The following CAMKMT variants were observed in gnomAD, a reference collection of about 807,000 sequenced individuals.
CAMKMT encodes CaM KMT.
CAMKMT carries 53 observed loss-of-function variants against 48.0 expected under a neutral mutation model. The ratio of observed to expected loss-of-function variants is 1.10; its 90% confidence interval spans 0.89 to 1.39. The LOEUF (loss-of-function observed/expected upper bound fraction) is 1.39. Ranked by LOEUF, CAMKMT falls within the 40% of genes most tolerant of loss-of-function variation. CAMKMT has a pLI of 0.00. For synonymous variants in CAMKMT, 165 were observed against 152.3 expected, an observed-to-expected ratio of 1.08 and a Z score of -0.61; for missense variants, 428 against 402.7, an observed-to-expected ratio of 1.06 and a Z score of -0.54.
At chr2:44,634,040 C>T (rs994945706) in intron 3 of CAMKMT, among the ~76,000 whole-genome samples, 1 of 151,936 alleles carries the variant, frequency 6.6e-6, no homozygotes, top group Non-Finnish European at 1.5e-5. Context: ...TCACTGAATG[C>T]CTCTGTTATT....
intron 3 of CAMKMT, among the ~76,000 whole-genome samples, chr2:44,702,542 A>C (rs889697986): frequency 6.6e-6 from 1 of 152,342 alleles, no homozygotes. Context: ...GAGGAGCATG[A>C]GGGATAGGCA....
At chr2:44,530,741 G>A (rs1182527089) in intron 3 of CAMKMT, among the ~76,000 whole-genome samples, 2 of 152,006 alleles carry the variant, frequency 1.3e-5, no homozygotes, top group Non-Finnish European at 2.9e-5. Context: ...ATTAGGGGGA[G>A]GAAAAGGGAG....
chr2:44,536,710 A>T (rs907538955), intron 3 of CAMKMT, among the ~76,000 whole-genome samples: 2 of 152,170 alleles, frequency 1.3e-5, no homozygotes, highest in African/African-American at 4.8e-5. Context: ...AGGCAAACCA[A>T]TCCTGAGCAA....
chr2:44,418,313 T>G (rs553399948), intron 3 of CAMKMT, among the ~76,000 whole-genome samples: 39 of 150,342 alleles, frequency 2.6e-4, no homozygotes, highest in Middle Eastern at 3.4e-3. Context: ...ATCTATGAAT[T>G]TTTTTTTTTA....
intron 3 of CAMKMT, among the ~76,000 whole-genome samples, chr2:44,415,338 G>C (rs1683482566): frequency 6.6e-6 from 1 of 152,146 alleles, no homozygotes. Context: ...ATAGGTCCAG[G>C]TTTAGTTCAC....
chr2:44,395,088 G>T (rs1379353272), intron 3 of CAMKMT: 3 of 398,264 alleles, frequency 7.5e-6, no homozygotes, highest in African/African-American at 2.1e-5. Context: ...GAAACCAAAG[G>T]TAATAGTTTC....
chr2:44,756,542 C>A (rs977681092), intron 9 of CAMKMT, among the ~76,000 whole-genome samples: 2 of 151,868 alleles, frequency 1.3e-5, no homozygotes, highest in African/African-American at 2.4e-5. Flanking sequence ...GAGATCGAGA[C>A]CATCCTGGCT....
At chr2:44,604,753 G>C (rs549287841) in intron 3 of CAMKMT, among the ~76,000 whole-genome samples, 12 of 151,988 alleles carry the variant, frequency 7.9e-5, no homozygotes, top group Admixed American at 1.3e-4. Context: ...GTTGCTGAGG[G>C]TGCTTATACT....
At chr2:44,557,365 A>C (rs1172828618) in intron 3 of CAMKMT, among the ~76,000 whole-genome samples, 1 of 152,210 alleles carries the variant, frequency 6.6e-6, no homozygotes, top group Non-Finnish European at 1.5e-5. Flanking sequence ...TGAAACAAAT[A>C]GGAAGCAAAA....
intron 7 of CAMKMT, among the ~76,000 whole-genome samples, chr2:44,736,958 A>T (rs1250700690): frequency 6.6e-6 from 1 of 152,126 alleles, no homozygotes; most frequent in Non-Finnish European, 1.5e-5. Flanking sequence ...CATCTCTGTC[A>T]GTTTTCGATT....
chr2:44,563,309 A>G (rs1447160053), intron 3 of CAMKMT, among the ~76,000 whole-genome samples: 1 of 151,662 alleles, frequency 6.6e-6, no homozygotes, highest in Non-Finnish European at 1.5e-5. Context: ...TTTTACTTCA[A>G]AATGTACTAT....
chr2:44,556,108 A>C (rs960887903), intron 3 of CAMKMT, among the ~76,000 whole-genome samples: 18 of 152,028 alleles, frequency 1.2e-4, no homozygotes, highest in South Asian at 8.3e-4. Context: ...GCTATTTAAA[A>C]ATACCTACAA....
At chr2:44,596,147 A>G (rs536976782) in intron 3 of CAMKMT, among the ~76,000 whole-genome samples, 42 of 151,532 alleles carry the variant, frequency 2.8e-4, no homozygotes, top group South Asian at 6.2e-4. Context: ...AAAAAAAAAG[A>G]AAGAAAAAGA....
chr2:44,455,357 C>T (rs771590801), intron 3 of CAMKMT, among the ~76,000 whole-genome samples: 1 of 151,944 alleles, frequency 6.6e-6, no homozygotes, highest in South Asian at 2.1e-4. Flanking sequence ...TTCTGCTTGC[C>T]CTTTGAACTT....
intron 5 of CAMKMT, among the ~76,000 whole-genome samples, chr2:44,707,128 AG>A (rs1453070098): frequency 6.6e-6 from 1 of 152,006 alleles, no homozygotes; most frequent in Non-Finnish European, 1.5e-5. Flanking sequence ...CACAAATGAA[AG>A]CCTCTCAGAA....
chr2:44,720,044 C>T (rs1411017389), intron 7 of CAMKMT, among the ~76,000 whole-genome samples: 1 of 152,180 alleles, frequency 6.6e-6, no homozygotes, highest in East Asian at 1.9e-4. Flanking sequence ...CTGTTACTAA[C>T]ATAACACTGT....
chr2:44,648,624 G>A (rs950464809), intron 3 of CAMKMT, among the ~76,000 whole-genome samples: 4 of 152,176 alleles, frequency 2.6e-5, no homozygotes, highest in Non-Finnish European at 5.9e-5. Flanking sequence ...AGGGCTTTCA[G>A]TCAGAATGCC....
chr2:44,367,680 A>T (rs1360776672), intron 1 of CAMKMT, among the ~76,000 whole-genome samples: 2 of 152,222 alleles, frequency 1.3e-5, no homozygotes, highest in Non-Finnish European at 2.9e-5. Context: ...GCTGCCTATT[A>T]TCTGGAAGCT....
intron 3 of CAMKMT, among the ~76,000 whole-genome samples, chr2:44,650,024 C>G (rs1673968678): frequency 6.6e-6 from 1 of 152,188 alleles, no homozygotes; most frequent in African/African-American, 2.4e-5. Flanking sequence ...CTGGTTTGGT[C>G]TTATTTTTAT....
Sources: gnomAD v4.1 joint callset for allele counts (sites outside exome capture counted in the v4.1 genomes callset) on GRCh38, gnomAD v4.1.1 for gene constraint, MANE v1.5 for transcripts, NCBI Gene and HGNC (gene_info 2026-07-23, HGNC 2026-07-21) for gene names.